Variants in IL1RAPL2 observed in about 807,000 individuals in gnomAD.
IL1RAPL2 encodes interleukin 1 receptor accessory protein like 2.
IL1RAPL2 carries 3 observed loss-of-function variants against 44.1 expected under a neutral mutation model. That is an observed-to-expected ratio of 0.07 (90% CI 0.03 to 0.18). The LOEUF (loss-of-function observed/expected upper bound fraction) is 0.18, where lower values mean the gene tolerates loss of function less well. IL1RAPL2 is among the 10% of genes least tolerant of loss of function. The pLI, the probability that IL1RAPL2 is intolerant of heterozygous loss-of-function variation, is 1.00. For synonymous variants in IL1RAPL2, 181 were observed against 178.8 expected (o/e 1.01, Z -0.10); for missense variants, 391 against 496.4 (o/e 0.79, Z 2.02).
chrX:105,572,986 T>C (rs777657063), intron 6 of IL1RAPL2, among the ~76,000 whole-genome samples: 1 of 111,400 alleles, frequency 9.0e-6, no homozygotes, highest in Admixed American at 9.5e-5. Flanking sequence ...ATGAAGAGAT[T>C]TGTACACTTA....
rs1364964244 is a variant in IL1RAPL2, at chrX:105,205,359, C to T, written c.356+9611C>T. Among the ~76,000 whole-genome samples the T allele has an allele frequency of 2.8e-5, 3 of 108,138 alleles. No individual in the cohort carries two copies. In the South Asian group the frequency reaches 1.3e-3, roughly 45 times the overall value. The allele number at this position is 108,138 out of a possible 115,157, so 93.9% of individuals were successfully genotyped here. A position where few individuals can be genotyped will look rare whatever the true frequency, so the allele number is the denominator to read the frequency against. ...ATCCCGGCACTTTGGGAGGCTGAGA[C>T]GGGCAGATCACCTGAGGTCAGAAGT... is the stretch of plus-strand genomic sequence containing the variant. On this transcript the variant is annotated intron_variant, in intron 3 of 10. Transcript: ENST00000372582.
intron 10 of IL1RAPL2, 99 bp from the exon 11 acceptor site, chrX:105,766,865 G>T: frequency 1.8e-6 from 1 of 543,728 alleles, no homozygotes; most frequent in Non-Finnish European, 3.0e-6. Flanking sequence ...ATGGACTTTA[G>T]TGAGAGACTG....
intron 8 of IL1RAPL2, among the ~76,000 whole-genome samples, chrX:105,745,053 T>C (rs770582784): frequency 5.4e-5 from 6 of 111,357 alleles, no homozygotes; most frequent in Non-Finnish European, 9.4e-5. Context: ...ACAAATTTAG[T>C]GCTCACAATC....
chrX:105,407,355 C>A (rs1157074704), intron 5 of IL1RAPL2, among the ~76,000 whole-genome samples: 1 of 110,575 alleles, frequency 9.0e-6, no homozygotes, highest in Non-Finnish European at 1.9e-5. Context: ...ATTATATTTG[C>A]TTTTAAATAG....
chrX:104,771,087 C>T (rs974974021), intron 2 of IL1RAPL2, among the ~76,000 whole-genome samples: 2 of 112,364 alleles, frequency 1.8e-5, no homozygotes, highest in Non-Finnish European at 3.8e-5. Context: ...AATACAATAT[C>T]CCCATGATCC....
chrX:105,119,866 A>C (rs1406876183), intron 2 of IL1RAPL2, among the ~76,000 whole-genome samples: 1 of 111,217 alleles, frequency 9.0e-6, no homozygotes, highest in Non-Finnish European at 1.9e-5. Context: ...TAGTAATTAA[A>C]TTACTATAGT....
intron 2 of IL1RAPL2, among the ~76,000 whole-genome samples, chrX:104,805,649 C>T (rs1932917265): frequency 8.9e-6 from 1 of 112,012 alleles, no homozygotes; most frequent in Admixed American, 9.5e-5. Flanking sequence ...GAAAACTGTG[C>T]AATCCTAGCC....
intron 5 of IL1RAPL2, among the ~76,000 whole-genome samples, chrX:105,426,349 A>G (rs1405754440): frequency 9.1e-6 from 1 of 110,292 alleles, no homozygotes; most frequent in Non-Finnish European, 1.9e-5. Context: ...ACTATATTCT[A>G]CCTACCTCAG....
intron 2 of IL1RAPL2, among the ~76,000 whole-genome samples, chrX:104,827,319 G>C (rs1469671211): frequency 1.8e-5 from 2 of 111,096 alleles, no homozygotes; most frequent in Admixed American, 1.9e-4. Flanking sequence ...AGGCAGGCCT[G>C]GTGGTGACAA....
At chrX:104,774,110 T>C (rs1932682642) in intron 2 of IL1RAPL2, among the ~76,000 whole-genome samples, 1 of 112,069 alleles carries the variant, frequency 8.9e-6, no homozygotes, top group African/African-American at 3.2e-5. Context: ...TGTTTAGTGA[T>C]GCATTATGCC....
At chrX:105,443,101 A>T (rs565887343) in intron 5 of IL1RAPL2, among the ~76,000 whole-genome samples, 23 of 111,742 alleles carry the variant, frequency 2.1e-4, no homozygotes, top group Middle Eastern at 9.3e-3. Flanking sequence ...TAAAATAAAA[A>T]CAGTCTTCAT....
At chrX:104,916,061 T>G (rs749875965) in intron 2 of IL1RAPL2, among the ~76,000 whole-genome samples, 2 of 111,870 alleles carry the variant, frequency 1.8e-5, no homozygotes, top group Admixed American at 1.9e-4. Context: ...GGCTCTTTTT[T>G]GTTTCCATAT....
chrX:105,151,865 G>T (rs1001716672), intron 2 of IL1RAPL2, among the ~76,000 whole-genome samples: 1 of 111,271 alleles, frequency 9.0e-6, no homozygotes, highest in African/African-American at 3.3e-5. Flanking sequence ...GGATGAGATT[G>T]GAGACTATTA....
At chrX:104,970,738 C>A (rs985354099) in intron 2 of IL1RAPL2, among the ~76,000 whole-genome samples, 8 of 111,509 alleles carry the variant, frequency 7.2e-5, no homozygotes, top group Non-Finnish European at 1.3e-4. Context: ...CTACCTCATT[C>A]CCCCTTCAAA....
Position 105,727,156 on chromosome X carries a change from G to A in IL1RAPL2, c.902+9660G>A, listed in dbSNP as rs771180652. Among the ~76,000 whole-genome samples, 13 of 111,463 alleles carry A rather than the reference G, an allele frequency of 1.2e-4. No homozygotes were observed. In the South Asian group the frequency reaches 3.8e-3, roughly 32 times the overall value. On this transcript the variant is annotated intron_variant, in intron 7 of 10. Transcript: ENST00000372582. The stretch of plus-strand genomic sequence containing the variant: ...GCAAGACACCTAGCCATCAAAGGAG[G>A]ACTCAGAATACTTCAAGGGACCATT...
At chrX:105,697,704 A>G (rs2038088219) in intron 6 of IL1RAPL2, among the ~76,000 whole-genome samples, 1 of 111,748 alleles carries the variant, frequency 8.9e-6, no homozygotes, top group Admixed American at 9.5e-5. Context: ...GCACATGCAT[A>G]TAAGTACACC....
Position 104,862,184 on chromosome X carries a change from G to A in IL1RAPL2, c.82+203189G>A, listed in dbSNP as rs184617865. The stretch of plus-strand genomic sequence containing the variant: ...AAGGCTGACATAGGCTTGAACATGG[G>A]GGTCCTTTTATGTCACATTAAAGAT... On this transcript the variant is annotated intron_variant, in intron 2 of 10. Transcript: ENST00000372582. 1.9e-3 allele frequency among the ~76,000 whole-genome samples: 207 copies of A among 110,939 alleles called. 3 individuals carry two copies. Among genetic ancestry groups the A allele is most frequent in the African/African-American group, 6.4e-3 (197 of 30,591 alleles).
At chrX:104,656,741 T>A (rs916078243) in intron 1 of IL1RAPL2, among the ~76,000 whole-genome samples, 5 of 111,719 alleles carry the variant, frequency 4.5e-5, no homozygotes, top group Non-Finnish European at 9.4e-5. Flanking sequence ...GTTAATTTTT[T>A]GTCTCATTGA....
At chrX:105,666,794 A>T (rs913424828) in intron 6 of IL1RAPL2, among the ~76,000 whole-genome samples, 25 of 111,469 alleles carry the variant, frequency 2.2e-4, no homozygotes, top group Non-Finnish European at 4.5e-4. Context: ...GTGTCCATTT[A>T]TAGGCTCTCC....
Sources: gnomAD v4.1 joint callset for allele counts (sites outside exome capture counted in the v4.1 genomes callset) on GRCh38, gnomAD v4.1.1 for gene constraint, MANE v1.5 for transcripts, NCBI Gene and HGNC (gene_info 2026-07-23, HGNC 2026-07-21) for gene names.